SPTLC2: variants seen among roughly 807,000 people sequenced by gnomAD.
SPTLC2 encodes serine palmitoyltransferase 2.
SPTLC2 carries 21 observed loss-of-function variants against 62.0 expected under a neutral mutation model. The ratio of observed to expected loss-of-function variants is 0.34; its 90% confidence interval spans 0.24 to 0.49. SPTLC2 has a LOEUF of 0.49. Among genes scored for constraint, SPTLC2 ranks in the 20% least tolerant of loss-of-function variants. SPTLC2 has a pLI of 0.99. For synonymous variants in SPTLC2, 261 were observed against 261.8 expected (o/e 1.00, Z 0.03); for missense variants, 511 against 713.0 (o/e 0.72, Z 3.23).
rs535319337 is a variant in SPTLC2, at chr14:77,607,372, G to A, written c.132+9076C>T. ...GGTGCAAAAGTAATTGCCATTAAAT[G>A]GTTTCCGCCATTAAAAGTAATGGCA... On this transcript the variant is annotated intron_variant, in intron 1 of 11. Transcript: ENST00000216484. Among the ~76,000 whole-genome samples the A allele has an allele frequency of 2.0e-5, 3 of 152,264 alleles. No individual in the cohort carries two copies. In the South Asian group the frequency reaches 6.2e-4, roughly 32 times the overall value.
intron 9 of SPTLC2, chr14:77,536,019 C>T (rs2079468263): frequency 2.3e-6 from 1 of 440,318 alleles, no homozygotes; most frequent in African/African-American, 2.0e-5. Context: ...AGATAGGAAA[C>T]ACAAAAGAAA....
chr14:77,588,118 T>C (rs1490187706), intron 2 of SPTLC2, among the ~76,000 whole-genome samples: 3 of 152,060 alleles, frequency 2.0e-5, no homozygotes, highest in South Asian at 4.1e-4. Flanking sequence ...TTTAAATTTT[T>C]TGTAGAGACA....
intron 9 of SPTLC2, among the ~76,000 whole-genome samples, chr14:77,550,047 T>G (rs2079548002): frequency 6.6e-6 from 1 of 152,222 alleles, no homozygotes; most frequent in Admixed American, 6.5e-5. Flanking sequence ...TCTCTCAGAT[T>G]CACACACAGT....
chr14:77,542,359 C>T (rs1199023070), intron 9 of SPTLC2, among the ~76,000 whole-genome samples: 1 of 152,040 alleles, frequency 6.6e-6, no homozygotes, highest in African/African-American at 2.4e-5. Flanking sequence ...TAAGTCCTAA[C>T]TAAATGGCAC....
chr14:77,515,542 CTTTTTT>C (rs71128633), intron 11 of SPTLC2, among the ~76,000 whole-genome samples: 3 of 124,716 alleles, frequency 2.4e-5, no homozygotes, highest in African/African-American at 1.1e-4. Context: ...AAGGGAAAGG[CTTTTTT>C]TTTTTTTTTT....
At chr14:77,583,973 C>T (rs566280538) in intron 2 of SPTLC2, among the ~76,000 whole-genome samples, 1 of 152,288 alleles carries the variant, frequency 6.6e-6, no homozygotes, top group South Asian at 2.1e-4. Context: ...ACAATACCTA[C>T]TCGCGACTAA....
chr14:77,570,744 CA>C (rs758827439), intron 4 of SPTLC2, among the ~76,000 whole-genome samples: 92 of 152,100 alleles, frequency 6.0e-4, no homozygotes, highest in Non-Finnish European at 1.0e-3. Context: ...GGAATTTCCC[CA>C]AAGGGGGCTG....
At chr14:77,596,287 C>T (rs952006826) in intron 2 of SPTLC2, among the ~76,000 whole-genome samples, 66 of 151,070 alleles carry the variant, frequency 4.4e-4, no homozygotes, top group Non-Finnish European at 4.3e-4. Context: ...TGCAGTGAGC[C>T]GAGACCGAGC....
intron 4 of SPTLC2, among the ~76,000 whole-genome samples, chr14:77,571,336 C>T (rs1448908269): frequency 6.6e-6 from 1 of 151,960 alleles, no homozygotes; most frequent in Non-Finnish European, 1.5e-5. Flanking sequence ...ATGGTGAAAC[C>T]TTGTCTCTAC....
chr14:77,612,036 A>C (rs2079941271), intron 1 of SPTLC2, among the ~76,000 whole-genome samples: 1 of 152,208 alleles, frequency 6.6e-6, no homozygotes, highest in East Asian at 1.9e-4. Flanking sequence ...TTACTTTTTT[A>C]TCGGTCACAA....
rs556181144 is a variant in SPTLC2, at chr14:77,507,032, G to C, written c.*5252C>G. The stretch of plus-strand genomic sequence containing the variant: ...TGTAGTAAACAAAACCTTGTCCCCA[G>C]CTCCACCAAGCCACTCCCAAGGGTG... On this transcript the variant is annotated 3_prime_UTR_variant, in exon 12 of 12. Coordinates refer to ENST00000216484, the MANE Select transcript of SPTLC2 (RefSeq NM_004863.4). The C allele has an allele frequency of 6.6e-6, 1 of 152,252 alleles. No homozygotes were observed. Among genetic ancestry groups the C allele is most frequent in the African/African-American group, 2.4e-5 (1 of 41,532 alleles). The allele number at this position is 152,252 out of a possible 1,614,324, so 9.4% of individuals were successfully genotyped here.
intron 5 of SPTLC2, among the ~76,000 whole-genome samples, chr14:77,567,344 T>C (rs1285379889): frequency 2.0e-5 from 3 of 152,324 alleles, no homozygotes; most frequent in East Asian, 3.9e-4. Context: ...CTTGTAAGCA[T>C]ACAGAGAGAA....
At chr14:77,583,199 C>A (rs868203497) in intron 2 of SPTLC2, among the ~76,000 whole-genome samples, 2 of 132,482 alleles carry the variant, frequency 1.5e-5, no homozygotes, top group Non-Finnish European at 3.2e-5. Flanking sequence ...AAAGCTGTCT[C>A]AATAAATAAA....
rs1555376925 is a variant in SPTLC2, at chr14:77,583,238, T to TAAAA, written c.328-4133_328-4130dup. ...ATAAATAAATAAATAAATAAATAAA[T>TAAAA]AAAAATAATAATTTTAAAAAAGATG... On this transcript the variant is annotated intron_variant, in intron 2 of 11. Coordinates refer to ENST00000216484, the MANE Select transcript of SPTLC2 (RefSeq NM_004863.4). Among the ~76,000 whole-genome samples the TAAAA allele has an allele frequency of 4.4e-4, 62 of 140,334 alleles. No individual in the cohort carries two copies. The East Asian group carries it at 4.6e-3, about 10-fold the overall frequency. The allele number at this position is 140,334 out of a possible 152,430, so 92.1% of individuals were successfully genotyped here. A position where few individuals can be genotyped will look rare whatever the true frequency, so the allele number is the denominator to read the frequency against.
chr14:77,547,013 C>T (rs12434055), intron 9 of SPTLC2, among the ~76,000 whole-genome samples: 34,908 of 149,118 alleles, frequency 0.23, 4,619 homozygotes, highest in Middle Eastern at 0.38. Context: ...TACAGGCATG[C>T]GCCACCACAC....
At chr14:77,579,268 G>A (rs564856941) in intron 2 of SPTLC2, among the ~76,000 whole-genome samples, 159 bp from the exon 3 acceptor site, 22 of 152,232 alleles carry the variant, frequency 1.4e-4, no homozygotes, top group African/African-American at 5.1e-4. Flanking sequence ...GGATTTTACG[G>A]TATCAGTCAT....
At chr14:77,519,730 T>A (rs2079376792) in intron 10 of SPTLC2, among the ~76,000 whole-genome samples, 1 of 152,172 alleles carries the variant, frequency 6.6e-6, no homozygotes, top group Non-Finnish European at 1.5e-5. Context: ...ATTACATTAA[T>A]GCCAGTCTTT....
intron 1 of SPTLC2, among the ~76,000 whole-genome samples, chr14:77,608,025 C>A (rs17106092): frequency 6.6e-6 from 1 of 152,128 alleles, no homozygotes; most frequent in African/African-American, 2.4e-5. Flanking sequence ...TAGCACCAAC[C>A]GGCGTCTCAC....
chr14:77,527,066 T>A (rs1459587813), intron 9 of SPTLC2, among the ~76,000 whole-genome samples: 1 of 149,988 alleles, frequency 6.7e-6, no homozygotes, highest in Non-Finnish European at 1.5e-5. Context: ...AGTGCTGGGA[T>A]TACAGGCGTG....
Sources: allele counts gnomAD v4.1 joint callset (sites outside exome capture counted in the v4.1 genomes callset), GRCh38; gene constraint gnomAD v4.1.1; transcripts MANE v1.5; gene names NCBI Gene and HGNC (gene_info 2026-07-23, HGNC 2026-07-21).